The following MSI2 variants were observed in gnomAD, a reference collection of about 807,000 sequenced individuals.
The protein encoded by MSI2 is musashi RNA binding protein 2.
A neutral mutation model predicts 45.6 loss-of-function variants in MSI2; 17 were observed. The ratio of observed to expected loss-of-function variants is 0.37; its 90% confidence interval spans 0.26 to 0.56. The LOEUF is 0.56. Among genes scored for constraint, MSI2 ranks in the 20% least tolerant of loss-of-function variants. The pLI, the probability that MSI2 is intolerant of heterozygous loss-of-function variation, is 0.77. For synonymous variants in MSI2, 156 were observed against 158.2 expected (o/e 0.99, Z 0.11); for missense variants, 293 against 444.2 (o/e 0.66, Z 3.06).
chr17:57,426,536 A>G (rs2084495286), intron 6 of MSI2, among the ~76,000 whole-genome samples: 2 of 152,240 alleles, frequency 1.3e-5, no homozygotes, highest in Admixed American at 1.3e-4. Context: ...TCTGAGAGTC[A>G]ACTTTTCCCC....
chr17:57,271,233 G>T (rs1908331731), intron 5 of MSI2, among the ~76,000 whole-genome samples: 1 of 152,070 alleles, frequency 6.6e-6, no homozygotes, highest in South Asian at 2.1e-4. Flanking sequence ...TCTTTTTTTA[G>T]CCTGTTGTCT....
intron 8 of MSI2, among the ~76,000 whole-genome samples, chr17:57,609,971 C>T (rs1010750367): frequency 1.3e-5 from 2 of 152,192 alleles, no homozygotes; most frequent in African/African-American, 4.8e-5. Context: ...GTCTGAGCCT[C>T]AGTTTCCTGC....
intron 11 of MSI2, among the ~76,000 whole-genome samples, chr17:57,665,949 G>A (rs1044707517): frequency 6.6e-6 from 1 of 152,172 alleles, no homozygotes; most frequent in Non-Finnish European, 1.5e-5. Context: ...CAGGAGAGAG[G>A]CAGTCCTGTA....
intron 7 of MSI2, among the ~76,000 whole-genome samples, chr17:57,536,231 T>G (rs1022755733): frequency 1.3e-5 from 2 of 152,240 alleles, no homozygotes; most frequent in African/African-American, 4.8e-5. Context: ...GAGTCTAACA[T>G]TCTGACTTTA....
chr17:57,554,185 G>A (rs1218091783), intron 7 of MSI2, among the ~76,000 whole-genome samples: 4 of 148,674 alleles, frequency 2.7e-5, no homozygotes, highest in South Asian at 2.1e-4. Flanking sequence ...AAACAAGAAC[G>A]ACACCAAGTA....
intron 6 of MSI2, among the ~76,000 whole-genome samples, chr17:57,436,712 A>C (rs1195306238): frequency 6.6e-6 from 1 of 152,224 alleles, no homozygotes; most frequent in African/African-American, 2.4e-5. Context: ...TGCTGTGGGC[A>C]TTCCAATGAA....
intron 10 of MSI2, among the ~76,000 whole-genome samples, chr17:57,650,534 G>A (rs1293691541): frequency 6.6e-6 from 1 of 152,134 alleles, no homozygotes; most frequent in African/African-American, 2.4e-5. Context: ...GCTGCCTTCT[G>A]GGGAAGGGAG....
intron 5 of MSI2, among the ~76,000 whole-genome samples, chr17:57,392,389 T>A (rs937177178): frequency 2.0e-5 from 3 of 152,216 alleles, no homozygotes; most frequent in Non-Finnish European, 2.9e-5. Context: ...AGCATCCTGA[T>A]CATTTCATTA....
At chr17:57,563,115 A>AC (rs1273045718) in intron 7 of MSI2, among the ~76,000 whole-genome samples, 8 of 151,434 alleles carry the variant, frequency 5.3e-5, no homozygotes, top group East Asian at 1.9e-4. Flanking sequence ...AAAAAAAAAA[A>AC]AAAAAACAGT....
chr17:57,413,890 T>A (rs547861637), intron 6 of MSI2, among the ~76,000 whole-genome samples: 3 of 151,908 alleles, frequency 2.0e-5, no homozygotes, highest in Non-Finnish European at 2.9e-5. Flanking sequence ...AGGCATTGCA[T>A]CTACAGCCTC....
At chr17:57,625,369 G>A (rs954936295) in intron 9 of MSI2, among the ~76,000 whole-genome samples, 2 of 152,204 alleles carry the variant, frequency 1.3e-5, no homozygotes. Flanking sequence ...AGGGACGGTG[G>A]AGCCCACCTC....
chr17:57,384,080 C>A (rs891493991), intron 5 of MSI2, among the ~76,000 whole-genome samples: 3 of 152,254 alleles, frequency 2.0e-5, no homozygotes, highest in Admixed American at 6.5e-5. Context: ...GTTGACCCTT[C>A]CTTTCTATTT....
intron 11 of MSI2, among the ~76,000 whole-genome samples, chr17:57,668,956 C>T (rs1383868143): frequency 3.3e-5 from 5 of 152,168 alleles, no homozygotes; most frequent in Non-Finnish European, 5.9e-5. Flanking sequence ...GACATCATTG[C>T]CGATCTTCTC....
chr17:57,435,062 T>G (rs1448840594), intron 6 of MSI2, among the ~76,000 whole-genome samples: 2 of 152,212 alleles, frequency 1.3e-5, no homozygotes, highest in East Asian at 3.8e-4. Context: ...TTTCCACTAA[T>G]GTAAGAGAGA....
chr17:57,327,609 A>G (rs898418237), intron 5 of MSI2, among the ~76,000 whole-genome samples: 3 of 152,104 alleles, frequency 2.0e-5, no homozygotes, highest in African/African-American at 7.2e-5. Context: ...GGGGGCCCCA[A>G]TCCTTTGCTC....
chr17:57,471,063 A>G (rs1455658214), intron 6 of MSI2, among the ~76,000 whole-genome samples: 1 of 152,152 alleles, frequency 6.6e-6, no homozygotes, highest in Non-Finnish European at 1.5e-5. Context: ...TGCTTAGAGC[A>G]GAGGTTGGGG....
At chr17:57,393,775 G>A (rs1057337731) in intron 5 of MSI2, among the ~76,000 whole-genome samples, 5 of 152,112 alleles carry the variant, frequency 3.3e-5, no homozygotes, top group East Asian at 1.9e-4. Context: ...TCCGCCTCCC[G>A]GGTTCAAGTG....
At chr17:57,497,958 G>A (rs2086015416) in intron 6 of MSI2, among the ~76,000 whole-genome samples, 1 of 152,158 alleles carries the variant, frequency 6.6e-6, no homozygotes, top group Non-Finnish European at 1.5e-5. Flanking sequence ...ACAGAAAGTG[G>A]GAGCCATGAC....
At chr17:57,369,777 A>G (rs966007667) in intron 5 of MSI2, among the ~76,000 whole-genome samples, 10 of 152,322 alleles carry the variant, frequency 6.6e-5, no homozygotes, top group Admixed American at 3.3e-4. Flanking sequence ...GAAGAAACAG[A>G]GGCACAGAGA....
Sources: gnomAD v4.1 joint callset for allele counts (sites outside exome capture counted in the v4.1 genomes callset) on GRCh38, gnomAD v4.1.1 for gene constraint, MANE v1.5 for transcripts, NCBI Gene and HGNC (gene_info 2026-07-23, HGNC 2026-07-21) for gene names.